Variants in CSMD3 observed in about 807,000 individuals in gnomAD.
The protein encoded by CSMD3 is CUB and Sushi multiple domains 3.
Under a neutral mutation model 435.2 loss-of-function variants are expected in CSMD3, and 177 were observed. The observed-to-expected ratio is 0.41, with a 90% CI of 0.36 to 0.46. The LOEUF is 0.46. Among genes scored for constraint, CSMD3 ranks in the 20% least tolerant of loss-of-function variants. The pLI, the probability that CSMD3 is intolerant of heterozygous loss-of-function variation, is 0.34. For missense variants in CSMD3, 4,265 were observed against 4,504.6 expected (o/e 0.95, Z 1.52); for synonymous variants, 1,656 against 1,520.5 (o/e 1.09, Z -2.07).
At chr8:113,011,070 A>G (rs1057165151) in intron 6 of CSMD3, among the ~76,000 whole-genome samples, 7 of 151,692 alleles carry the variant, frequency 4.6e-5, no homozygotes, top group African/African-American at 1.7e-4. Flanking sequence ...TTTCTCATGA[A>G]TGATGTCCTC....
intron 23 of CSMD3, among the ~76,000 whole-genome samples, chr8:112,574,248 T>C (rs913259572): frequency 1.3e-5 from 2 of 152,052 alleles, no homozygotes; most frequent in Non-Finnish European, 2.9e-5. Flanking sequence ...TTTCTGAAAG[T>C]ATAACTGCTT....
chr8:112,894,001 T>C (rs935968388), intron 10 of CSMD3, among the ~76,000 whole-genome samples: 1 of 151,314 alleles, frequency 6.6e-6, no homozygotes, highest in African/African-American at 2.4e-5. Flanking sequence ...TAAGAGAGAC[T>C]CCCAGGGTAA....
At chr8:112,923,839 A>AGACT (rs2082823280) in intron 9 of CSMD3, among the ~76,000 whole-genome samples, 1 of 152,296 alleles carries the variant, frequency 6.6e-6, no homozygotes, top group Admixed American at 6.5e-5. Flanking sequence ...CTATCATATA[A>AGACT]GACTGTCTAA....
At chr8:112,824,664 G>T (rs2079625193) in intron 12 of CSMD3, among the ~76,000 whole-genome samples, 1 of 152,196 alleles carries the variant, frequency 6.6e-6, no homozygotes, top group South Asian at 2.1e-4. Context: ...GGTTTCTGCT[G>T]AGAGATCCAC....
chr8:113,066,485 G>A (rs2088866174), intron 5 of CSMD3, among the ~76,000 whole-genome samples: 1 of 152,070 alleles, frequency 6.6e-6, no homozygotes, highest in South Asian at 2.1e-4. Flanking sequence ...TCACCAATCA[G>A]TAAGTGAAAA....
intron 1 of CSMD3, among the ~76,000 whole-genome samples, chr8:113,352,862 C>A (rs1176528437): frequency 1.3e-5 from 2 of 152,160 alleles, no homozygotes; most frequent in Non-Finnish European, 2.9e-5. Flanking sequence ...TTGAATTGCA[C>A]TTTTCAATTT....
intron 11 of CSMD3, among the ~76,000 whole-genome samples, chr8:112,836,900 G>T (rs1009496838): frequency 2.0e-5 from 3 of 151,774 alleles, no homozygotes; most frequent in African/African-American, 7.3e-5. Flanking sequence ...TTTGGCTACT[G>T]GTGATGAAAC....
rs1004650406 is a variant in CSMD3, at chr8:113,181,585, T to C, written c.515-7669A>G. ...ATAAATTTTATCACCCAAAATGAAT[T>C]TACAAAAACGATATTATATTTTTGT... On this transcript the variant is annotated intron_variant, in intron 3 of 70. Coordinates refer to ENST00000297405, the MANE Select transcript of CSMD3 (RefSeq NM_198123.2). 4.6e-5 allele frequency among the ~76,000 whole-genome samples: 7 copies of C among 152,092 alleles called. 1 individual carries two copies. Among genetic ancestry groups the C allele is most frequent in the Non-Finnish European group, 1.5e-5 (1 of 67,982 alleles).
intron 10 of CSMD3, among the ~76,000 whole-genome samples, chr8:112,880,500 C>T (rs113920600): frequency 0.035 from 5,329 of 152,038 alleles, 150 homozygotes; most frequent in Middle Eastern, 0.051. Context: ...AGAACTGAAT[C>T]TCGAAAAGTC....
At chr8:113,142,424 A>G (rs2091570700) in intron 4 of CSMD3, among the ~76,000 whole-genome samples, 1 of 151,308 alleles carries the variant, frequency 6.6e-6, no homozygotes, top group African/African-American at 2.4e-5. Flanking sequence ...GTACAGACAC[A>G]CAGATCAATA....
chr8:112,639,559 T>C (rs1369711845), intron 20 of CSMD3, among the ~76,000 whole-genome samples: 1 of 152,156 alleles, frequency 6.6e-6, no homozygotes, highest in Non-Finnish European at 1.5e-5. Context: ...CCCAGCGCCT[T>C]CTTTATAAAA....
intron 57 of CSMD3, 96 bp from the exon 58 acceptor site, chr8:112,287,342 A>G: frequency 8.7e-7 from 1 of 1,147,642 alleles, no homozygotes; most frequent in Non-Finnish European, 1.3e-6. Flanking sequence ...GTTTTTGTGC[A>G]TGCGGTGTTT....
intron 2 of CSMD3, among the ~76,000 whole-genome samples, chr8:113,289,557 AG>A (rs2093670850): frequency 8.3e-5 from 1 of 12,022 alleles, no homozygotes; most frequent in Non-Finnish European, 2.0e-4. Context: ...AGAGAGACAG[AG>A]AGAGAGAGAG....
At chr8:113,350,658 G>A (rs960410402) in intron 1 of CSMD3, among the ~76,000 whole-genome samples, 2 of 151,960 alleles carry the variant, frequency 1.3e-5, no homozygotes, top group African/African-American at 4.8e-5. Context: ...TACCTCCTAG[G>A]TAGCTCTTCT....
In CSMD3 at chr8:113,374,818, T is replaced by TAAAAAAA. The variant is rs1215451792; in HGVS notation, c.179-60032_179-60026dup. On this transcript the variant is annotated intron_variant, in intron 1 of 70. Transcript: ENST00000297405. ...CCATATGCACCTTGTTGTTAAAAAGTAAAAAAAAAAAAAAAAAAAAAAAAA... is the reference window on the plus strand; with the variant it reads ...CCATATGCACCTTGTTGTTAAAAAGTAAAAAAAAAAAAAAAAAAAAAAAAAAAAAAAA... Among the ~76,000 whole-genome samples, 253 of 27,906 alleles carry TAAAAAAA rather than the reference T, an allele frequency of 9.1e-3. 9 individuals are homozygous for TAAAAAAA. The highest frequency in any genetic ancestry group is 0.012 in the Non-Finnish European group (168 of 14,192). 18.3% of individuals were successfully genotyped at this position (27,906 alleles called of 152,430 possible).
chr8:112,285,726 T>C (rs1819123279), intron 58 of CSMD3, among the ~76,000 whole-genome samples: 1 of 152,112 alleles, frequency 6.6e-6, no homozygotes, highest in African/African-American at 2.4e-5. Context: ...CCTTTTTATC[T>C]TTCTTTTTTT....
intron 23 of CSMD3, among the ~76,000 whole-genome samples, chr8:112,577,923 A>T (rs1330284399): frequency 6.6e-6 from 1 of 152,128 alleles, no homozygotes; most frequent in Non-Finnish European, 1.5e-5. Flanking sequence ...AGCAAAAAGT[A>T]AATATAAAAG....
chr8:112,767,662 T>C (rs2132178074), intron 13 of CSMD3, among the ~76,000 whole-genome samples: 1 of 151,984 alleles, frequency 6.6e-6, no homozygotes, highest in South Asian at 2.1e-4. Context: ...GCTATTATTA[T>C]TATTTTTAAT....
chr8:113,148,968 C>T (rs915132818), intron 4 of CSMD3, among the ~76,000 whole-genome samples: 26 of 151,484 alleles, frequency 1.7e-4, no homozygotes, highest in African/African-American at 6.1e-4. Flanking sequence ...TATATATGCA[C>T]ATATATACAT....
Sources: gnomAD v4.1 joint callset for allele counts (sites outside exome capture counted in the v4.1 genomes callset) on GRCh38, gnomAD v4.1.1 for gene constraint, MANE v1.5 for transcripts, NCBI Gene and HGNC (gene_info 2026-07-23, HGNC 2026-07-21) for gene names.